PRKCA: variants seen among roughly 807,000 people sequenced by gnomAD.
PRKCA encodes protein kinase C alpha, also known as protein kinase C alpha type.
In PRKCA, 27 loss-of-function variants were observed where a neutral mutation model predicts 87.0. The ratio of observed to expected loss-of-function variants is 0.31; its 90% CI spans 0.23 to 0.43. The LOEUF is 0.43. Ranked by LOEUF, PRKCA falls within the 20% of genes least tolerant of loss-of-function variation. The probability of loss-of-function intolerance (pLI) is 1.00; values close to 1 mark genes in which losing one functional copy is unlikely to be tolerated. For synonymous variants in PRKCA, 329 were observed against 311.1 expected, an observed-to-expected ratio of 1.06 and a Z score of -0.61; for missense variants, 518 against 852.3, an observed-to-expected ratio of 0.61 and a Z score of 4.88.
intron 3 of PRKCA, among the ~76,000 whole-genome samples, chr17:66,607,565 C>T (rs990897332): frequency 6.6e-6 from 1 of 152,172 alleles, no homozygotes; most frequent in African/African-American, 2.4e-5. Flanking sequence ...ATATTGATCC[C>T]AAAGAATGTG....
intron 5 of PRKCA, among the ~76,000 whole-genome samples, chr17:66,657,187 A>C (rs1034580395): frequency 6.6e-6 from 1 of 152,208 alleles, no homozygotes; most frequent in Non-Finnish European, 1.5e-5. Context: ...GAGCATCCCC[A>C]TGAGGGACTT....
intron 3 of PRKCA, among the ~76,000 whole-genome samples, chr17:66,514,517 T>C (rs539323870): frequency 6.6e-6 from 1 of 152,270 alleles, no homozygotes; most frequent in South Asian, 2.1e-4. Flanking sequence ...AATAGGAGGC[T>C]CGCTCTCCTC....
At chr17:66,534,984 G>A (rs371102772) in intron 3 of PRKCA, among the ~76,000 whole-genome samples, 45 of 152,276 alleles carry the variant, frequency 3.0e-4, no homozygotes, top group African/African-American at 9.1e-4. Flanking sequence ...CGCCACCACC[G>A]TAAGTAATAA....
At chr17:66,309,175 T>C (rs968485579) in intron 2 of PRKCA, among the ~76,000 whole-genome samples, 1 of 152,228 alleles carries the variant, frequency 6.6e-6, no homozygotes, top group African/African-American at 2.4e-5. Context: ...CACATATTCA[T>C]GCAGTAAGTA....
chr17:66,402,842 G>A (rs1911116275), intron 2 of PRKCA, among the ~76,000 whole-genome samples: 1 of 152,104 alleles, frequency 6.6e-6, no homozygotes, highest in South Asian at 2.1e-4. Context: ...TGTGAAATTT[G>A]TTTTTTTAAA....
At chr17:66,610,624 G>A (rs998156118) in intron 3 of PRKCA, among the ~76,000 whole-genome samples, 5 of 152,178 alleles carry the variant, frequency 3.3e-5, no homozygotes, top group African/African-American at 1.2e-4. Context: ...AATAACACTC[G>A]AACAGAAAAT....
intron 2 of PRKCA, among the ~76,000 whole-genome samples, chr17:66,321,424 G>C (rs1031484572): frequency 3.3e-5 from 5 of 152,190 alleles, no homozygotes; most frequent in Admixed American, 6.5e-5. Context: ...GAAAAATTTT[G>C]ATAGAACTCA....
chr17:66,768,988 C>T (rs764267621), intron 13 of PRKCA, among the ~76,000 whole-genome samples: 9 of 152,154 alleles, frequency 5.9e-5, no homozygotes, highest in Non-Finnish European at 1.3e-4. Context: ...AGACTTGATA[C>T]TGCCACTATT....
At chr17:66,447,540 G>C (rs1026875711) in intron 2 of PRKCA, among the ~76,000 whole-genome samples, 1 of 152,182 alleles carries the variant, frequency 6.6e-6, no homozygotes, top group Non-Finnish European at 1.5e-5. Flanking sequence ...CAGCTTAACT[G>C]GGGGAGTGAG....
Position 66,774,940 on chromosome 17 carries a change from T to C in PRKCA, c.1605+873T>C, listed in dbSNP as rs1026531975. 3.0e-6 allele frequency: 3 copies of C among 985,302 alleles called. No homozygotes were observed. The African/African-American group carries it at 5.2e-5, about 17-fold the overall frequency. 61.0% of individuals were successfully genotyped at this position (985,302 alleles called of 1,614,324 possible). On this transcript the variant is annotated intron_variant, in intron 14 of 16. Transcript: ENST00000413366. ...TGATGTGACATGTACCAGATAACCATGTGCCTTATTGCCTAACATGGCACT... is the reference window on the plus strand; with the variant it reads ...TGATGTGACATGTACCAGATAACCACGTGCCTTATTGCCTAACATGGCACT...
At chr17:66,775,223 G>A (rs61762767) in intron 14 of PRKCA, 20,758 of 970,718 alleles carry the variant, frequency 0.021, 231 homozygotes, top group Non-Finnish European at 0.023. Context: ...TGTGGGGGTG[G>A]GGCACTGACC....
In PRKCA at chr17:66,626,197, C is replaced by CT. The variant is rs1365992383; in HGVS notation, c.289-15154dup. On this transcript the variant is annotated intron_variant, in intron 3 of 16. Coordinates refer to ENST00000413366, the MANE Select transcript of PRKCA (RefSeq NM_002737.3). Reference sequence around the variant, plus strand: ...TTTTTTCTTTTGTCTTCCTCTTTTTCTTTTCTTTTTTTTTTTTGAGACAGA... The same window carrying CT: ...TTTTTTCTTTTGTCTTCCTCTTTTTCTTTTTCTTTTTTTTTTTTGAGACAGA... Among the ~76,000 whole-genome samples the CT allele has an allele frequency of 4.6e-4, 68 of 148,842 alleles. 1 individual carries two copies. Among genetic ancestry groups the CT allele is most frequent in the South Asian group, 1.5e-3 (7 of 4,750 alleles).
intron 3 of PRKCA, among the ~76,000 whole-genome samples, chr17:66,634,448 T>TA (rs747503880): frequency 1.3e-5 from 2 of 152,224 alleles, no homozygotes; most frequent in Non-Finnish European, 2.9e-5. Context: ...GGAAGACTAA[T>TA]ATGTATTTGA....
chr17:66,562,090 A>AATATATATAATTAAATT (rs1258478279), intron 3 of PRKCA, among the ~76,000 whole-genome samples: 1 of 113,154 alleles, frequency 8.8e-6, no homozygotes, highest in Non-Finnish European at 1.9e-5. Flanking sequence ...TATATAATTA[A>AATATATATAATTAAATT]ATATATATAA....
intron 13 of PRKCA, among the ~76,000 whole-genome samples, chr17:66,758,216 C>G (rs1008978325): frequency 3.9e-5 from 6 of 152,200 alleles, no homozygotes; most frequent in Admixed American, 2.6e-4. Flanking sequence ...ATTCCAAAAA[C>G]AGCAGAAAAT....
intron 5 of PRKCA, among the ~76,000 whole-genome samples, chr17:66,651,498 C>G (rs1014481768): frequency 1.3e-5 from 2 of 152,164 alleles, no homozygotes; most frequent in Admixed American, 1.3e-4. Flanking sequence ...CAACCTTTGC[C>G]TAAAAGCTTT....
At chr17:66,374,091 G>T (rs774601207) in intron 2 of PRKCA, among the ~76,000 whole-genome samples, 1 of 152,218 alleles carries the variant, frequency 6.6e-6, no homozygotes, top group Middle Eastern at 3.4e-3. Context: ...GGAGGAGTCC[G>T]CAAGGGAGGA....
At chr17:66,374,757 T>G (rs867790542) in intron 2 of PRKCA, among the ~76,000 whole-genome samples, 1 of 144,016 alleles carries the variant, frequency 6.9e-6, no homozygotes, top group African/African-American at 2.6e-5. Context: ...AGACACGGTC[T>G]TGCTCTGTCG....
chr17:66,765,306 G>A (rs1389134344), intron 13 of PRKCA, among the ~76,000 whole-genome samples: 2 of 150,780 alleles, frequency 1.3e-5, no homozygotes, highest in South Asian at 2.1e-4. Flanking sequence ...CCAGCTACTC[G>A]GGAGACTGAG....
Sources: allele counts gnomAD v4.1 joint callset (sites outside exome capture counted in the v4.1 genomes callset), GRCh38; gene constraint gnomAD v4.1.1; transcripts MANE v1.5; gene names NCBI Gene and HGNC (gene_info 2026-07-23, HGNC 2026-07-21).